Variants in ASIC2 observed in about 807,000 individuals in gnomAD.
ASIC2 encodes the protein acid sensing ion channel subunit 2.
In ASIC2, 25 loss-of-function variants were observed where a neutral mutation model predicts 57.3. The observed-to-expected ratio is 0.44, with a 90% CI of 0.32 to 0.61. The LOEUF (loss-of-function observed/expected upper bound fraction) is 0.61. ASIC2 is among the 20% of genes least tolerant of loss of function. ASIC2 has a pLI of 0.06. For missense variants in ASIC2, 641 were observed against 738.1 expected, an observed-to-expected ratio of 0.87 and a Z score of 1.52; for synonymous variants, 319 against 307.5, an observed-to-expected ratio of 1.04 and a Z score of -0.39.
chr17:34,075,890 G>A (rs769709275), intron 1 of ASIC2, among the ~76,000 whole-genome samples: 7 of 132,952 alleles, frequency 5.3e-5, no homozygotes, highest in South Asian at 2.5e-4. Flanking sequence ...GTGCAATGGC[G>A]CCATCATAGC....
chr17:33,673,976 C>T (rs972400368), intron 1 of ASIC2, among the ~76,000 whole-genome samples: 1 of 151,544 alleles, frequency 6.6e-6, no homozygotes, highest in Non-Finnish European at 1.5e-5. Context: ...TCAGTGCAAG[C>T]TCCGTCTCCT....
At chr17:33,815,217 T>C (rs1912541290) in intron 1 of ASIC2, among the ~76,000 whole-genome samples, 1 of 152,182 alleles carries the variant, frequency 6.6e-6, no homozygotes, top group Non-Finnish European at 1.5e-5. Context: ...CCCTGCCACC[T>C]CACATAGGCT....
At chr17:33,478,227 C>T (rs1209686919) in intron 1 of ASIC2, among the ~76,000 whole-genome samples, 3 of 152,222 alleles carry the variant, frequency 2.0e-5, no homozygotes, top group South Asian at 2.1e-4. Context: ...CAGCTGACAA[C>T]TGGCCAAACT....
At chr17:33,367,663 C>T (rs1208858435) in intron 1 of ASIC2, among the ~76,000 whole-genome samples, 1 of 152,144 alleles carries the variant, frequency 6.6e-6, no homozygotes, top group African/African-American at 2.4e-5. Context: ...TTTGGTTCTT[C>T]TCAGCATCAT....
At chr17:33,965,859 G>C (rs967874970) in intron 1 of ASIC2, among the ~76,000 whole-genome samples, 9 of 152,174 alleles carry the variant, frequency 5.9e-5, no homozygotes, top group African/African-American at 2.2e-4. Flanking sequence ...GAGCATTTAG[G>C]CTACCTTCCT....
At chr17:33,028,468 C>T in intron 3 of ASIC2, 76 bp from the exon 4 acceptor site, 5 of 1,544,074 alleles carry the variant, frequency 3.2e-6, no homozygotes, top group Admixed American at 3.5e-5. Context: ...ACTCAATCAA[C>T]AAACAATTAT....
At chr17:33,588,478 C>T (rs188010873) in intron 1 of ASIC2, among the ~76,000 whole-genome samples, 1 of 152,262 alleles carries the variant, frequency 6.6e-6, no homozygotes, top group Non-Finnish European at 1.5e-5. Context: ...ACATCACTGC[C>T]TTCATTCACT....
chr17:33,683,661 C>G (rs1237889956), intron 1 of ASIC2, among the ~76,000 whole-genome samples: 5 of 152,194 alleles, frequency 3.3e-5, no homozygotes, highest in Non-Finnish European at 7.3e-5. Context: ...CCTGCCTCAG[C>G]CTCCCAAGTA....
At chr17:33,691,539 TC>T (rs1477825677) in intron 1 of ASIC2, among the ~76,000 whole-genome samples, 2 of 152,256 alleles carry the variant, frequency 1.3e-5, no homozygotes, top group East Asian at 3.8e-4. Flanking sequence ...TGTAGTTATT[TC>T]CTTTGCCCAT....
At chr17:33,134,935 G>T (rs2092362005) in intron 1 of ASIC2, among the ~76,000 whole-genome samples, 1 of 152,208 alleles carries the variant, frequency 6.6e-6, no homozygotes, top group African/African-American at 2.4e-5. Context: ...AGAGACTTAG[G>T]ATAGCAGAGA....
chr17:33,380,591 A>G (rs995477650), intron 1 of ASIC2, among the ~76,000 whole-genome samples: 5 of 152,322 alleles, frequency 3.3e-5, no homozygotes, highest in African/African-American at 1.2e-4. Context: ...CTCAGGGTCT[A>G]GGCCAAGCTG....
At chr17:33,241,844 C>T (rs72819164) in intron 1 of ASIC2, among the ~76,000 whole-genome samples, 2,457 of 152,314 alleles carry the variant, frequency 0.016, 28 homozygotes, top group Non-Finnish European at 0.021. Context: ...ACAAGATGCA[C>T]CTGGCAATTC....
At chr17:33,509,893 T>A (rs34901407) in intron 1 of ASIC2, among the ~76,000 whole-genome samples, 60,787 of 152,112 alleles carry the variant, frequency 0.4, 13,328 homozygotes, top group Non-Finnish European at 0.48. Flanking sequence ...AGAAAGCACA[T>A]CTTGTTTTAA....
chr17:33,050,163 T>G (rs1350776811), intron 3 of ASIC2, among the ~76,000 whole-genome samples: 1 of 152,196 alleles, frequency 6.6e-6, no homozygotes, highest in Non-Finnish European at 1.5e-5. Flanking sequence ...TGCTGAGGTT[T>G]TCTTTATACC....
At chr17:34,100,303 G>C (rs1367765642) in intron 1 of ASIC2, among the ~76,000 whole-genome samples, 1 of 151,768 alleles carries the variant, frequency 6.6e-6, no homozygotes, top group Non-Finnish European at 1.5e-5. Flanking sequence ...CGGCATCATG[G>C]AGCCTGGTTT....
At chr17:33,992,710 T>C (rs73278403) in intron 1 of ASIC2, among the ~76,000 whole-genome samples, 60 of 152,326 alleles carry the variant, frequency 3.9e-4, no homozygotes, top group African/African-American at 1.4e-3. Context: ...CGGCAAACAC[T>C]ACAAATCAGG....
intron 1 of ASIC2, among the ~76,000 whole-genome samples, chr17:33,846,326 C>T (rs971108517): frequency 5.3e-5 from 8 of 152,112 alleles, no homozygotes; most frequent in African/African-American, 1.9e-4. Flanking sequence ...GTAATGCATG[C>T]CCCAGTCTCT....
chr17:33,929,645 G>A (rs1029554551), intron 1 of ASIC2, among the ~76,000 whole-genome samples: 1 of 152,174 alleles, frequency 6.6e-6, no homozygotes, highest in African/African-American at 2.4e-5. Flanking sequence ...GACAGGAAGT[G>A]CCCTTTGTCC....
intron 1 of ASIC2, among the ~76,000 whole-genome samples, chr17:33,276,757 C>T (rs1455987407): frequency 6.6e-6 from 1 of 152,224 alleles, no homozygotes; most frequent in Non-Finnish European, 1.5e-5. Flanking sequence ...GCTGTCTGCA[C>T]ATCTAAGCAG....
Sources: gnomAD v4.1 joint callset for allele counts (sites outside exome capture counted in the v4.1 genomes callset) on GRCh38, gnomAD v4.1.1 for gene constraint, MANE v1.5 for transcripts, NCBI Gene and HGNC (gene_info 2026-07-23, HGNC 2026-07-21) for gene names.